The following SNURF variants were observed in gnomAD, a reference collection of about 807,000 sequenced individuals.
SNURF encodes the protein SNURF protein.
In SNURF, 6 loss-of-function variants were observed where a neutral mutation model predicts 11.6. The observed-to-expected ratio is 0.52, with a 90% confidence interval of 0.28 to 1.02. The LOEUF (loss-of-function observed/expected upper bound fraction) is 1.02, where lower values mean the gene tolerates loss of function less well. Ranked by LOEUF, SNURF falls within the 50% of genes least tolerant of loss-of-function variation. The pLI is 0.09. For missense variants in SNURF, 84 were observed against 88.4 expected, an observed-to-expected ratio of 0.95 and a Z score of 0.20; for synonymous variants, 29 against 31.6, an observed-to-expected ratio of 0.92 and a Z score of 0.27.
chr15:24,960,166 G>C (rs2074538938), intron 1 of SNURF, among the ~76,000 whole-genome samples: 1 of 152,162 alleles, frequency 6.6e-6, no homozygotes, highest in African/African-American at 2.4e-5. Context: ...TTTGGAGGCT[G>C]AGTTTGGGTC....
chr15:24,977,644 A>C (rs768552185), intron 6 of SNURF: 3 of 898,042 alleles, frequency 3.3e-6, no homozygotes, highest in Non-Finnish European at 4.8e-6. Context: ...CTCAAAAAAA[A>C]ACATGGGAAT....
chr15:24,976,470 T>C (rs2077072340), intron 5 of SNURF: 2 of 1,174,470 alleles, frequency 1.7e-6, no homozygotes, highest in African/African-American at 1.5e-5. Context: ...CATCATATTA[T>C]GTGAGATGTC....
In SNURF at chr15:24,975,568, G is replaced by A. The variant is rs549751822; in HGVS notation, c.*197+59G>A. The A allele has an allele frequency of 3.3e-5, 47 of 1,436,964 alleles. No homozygotes were observed. In the African/African-American group the frequency reaches 4.9e-4, roughly 15 times the overall value. 89.0% of individuals were successfully genotyped at this position (1,436,964 alleles called of 1,614,324 possible). A position where few individuals can be genotyped will look rare whatever the true frequency, so the allele number is the denominator to read the frequency against. ...CAGAGGCAGTGGGAAGGGAAGGCCAGAGCTGGAGTAAGGGATTTCCGAGGG... is the reference window on the plus strand; with the variant it reads ...CAGAGGCAGTGGGAAGGGAAGGCCAAAGCTGGAGTAAGGGATTTCCGAGGG... On this transcript the variant is annotated intron_variant and NMD_transcript_variant, in intron 4 of 6. Coordinates refer to the SNURF transcript ENST00000580062.
intron 1 of SNURF, 121 bp from the exon 2 acceptor site, chr15:24,961,993 T>C: frequency 1.1e-6 from 1 of 897,638 alleles, no homozygotes. Context: ...TAATTTTACC[T>C]TGTTTTAATT....
At chr15:24,957,531 CT>C (rs1328963924) in intron 1 of SNURF, among the ~76,000 whole-genome samples, 9 of 152,112 alleles carry the variant, frequency 5.9e-5, no homozygotes, top group African/African-American at 2.2e-4. Context: ...AGGATTTTGT[CT>C]TCCTTTGCAG....
chr15:24,956,032 T>C (rs1437883339), intron 1 of SNURF, among the ~76,000 whole-genome samples: 1 of 151,974 alleles, frequency 6.6e-6, no homozygotes, highest in Non-Finnish European at 1.5e-5. Context: ...TGCTTTTTTA[T>C]TAAAACTGCG....
At chr15:24,956,356 G>GGGT (rs1555404328) in intron 1 of SNURF, among the ~76,000 whole-genome samples, 3 of 149,642 alleles carry the variant, frequency 2.0e-5, no homozygotes, top group Non-Finnish European at 3.0e-5. Context: ...CGCTTCAGCG[G>GGGT]GGGGGTGGCC....
chr15:24,977,885 C>G, downstream of SNURF: 2 of 1,590,840 alleles, frequency 1.3e-6, no homozygotes, highest in East Asian at 4.5e-5. Flanking sequence ...GCACTCCGCC[C>G]CCACCCGTCG....
At chr15:24,978,424 A>G, downstream of SNURF, 1 of 1,613,870 alleles carries the variant, frequency 6.2e-7, no homozygotes, top group South Asian at 1.1e-5. Context: ...TCCCCCAGGA[A>G]TGCGTCCACC....
chr15:24,966,564 T>C (rs1412859445), intron 2 of SNURF, among the ~76,000 whole-genome samples: 1 of 152,146 alleles, frequency 6.6e-6, no homozygotes, highest in Non-Finnish European at 1.5e-5. Flanking sequence ...GTTTGATCTT[T>C]TGTGGCCTGG....
At chr15:24,959,791 G>A (rs2153449149) in intron 1 of SNURF, among the ~76,000 whole-genome samples, 1 of 152,286 alleles carries the variant, frequency 6.6e-6, no homozygotes, top group East Asian at 1.9e-4. Context: ...GGACATTTGA[G>A]TTGTTTCCAC....
downstream of SNURF, among the ~76,000 whole-genome samples, chr15:24,973,816 C>T (rs542170036): frequency 2.6e-5 from 4 of 152,278 alleles, no homozygotes; most frequent in Non-Finnish European, 5.9e-5. Flanking sequence ...AAGTCTTAGG[C>T]AGGTTTATAA....
chr15:24,963,412 C>T (rs923302241), intron 2 of SNURF, among the ~76,000 whole-genome samples: 7 of 151,912 alleles, frequency 4.6e-5, no homozygotes, highest in African/African-American at 1.2e-4. Flanking sequence ...GTCAGGAGTT[C>T]GAGACCAGCC....
At chr15:24,972,219 G>A (rs903313832), downstream of SNURF, among the ~76,000 whole-genome samples, 1 of 146,614 alleles carries the variant, frequency 6.8e-6, no homozygotes, top group Non-Finnish European at 1.5e-5. Context: ...TCACTCCATT[G>A]CACTCCAGCC....
At chr15:24,967,535 G>A (rs924854002) in intron 2 of SNURF, among the ~76,000 whole-genome samples, 2 of 151,970 alleles carry the variant, frequency 1.3e-5, no homozygotes, top group East Asian at 1.9e-4. Flanking sequence ...TCAGCTACTC[G>A]GGAGGCTGAC....
At chr15:24,962,508 A>G (rs1160377639) in intron 2 of SNURF, among the ~76,000 whole-genome samples, 1 of 152,224 alleles carries the variant, frequency 6.6e-6, no homozygotes, top group East Asian at 1.9e-4. Context: ...TGCATTATTA[A>G]ATCACTTTGT....
intron 1 of SNURF, among the ~76,000 whole-genome samples, chr15:24,956,765 C>T (rs995851160): frequency 6.6e-6 from 1 of 152,150 alleles, no homozygotes; most frequent in Non-Finnish European, 1.5e-5. Context: ...ACCCCTTACC[C>T]ACGGTGCAGC....
At chr15:24,967,398 G>A (rs2075797026) in intron 2 of SNURF, among the ~76,000 whole-genome samples, 1 of 152,056 alleles carries the variant, frequency 6.6e-6, no homozygotes, top group African/African-American at 2.4e-5. Flanking sequence ...CCAGCACTTT[G>A]GGAGGCCAAA....
chr15:24,977,695 G>T (rs1253333180), intron 6 of SNURF: 2 of 1,300,104 alleles, frequency 1.5e-6, no homozygotes, highest in Middle Eastern at 1.9e-4. Context: ...GTAACTAATT[G>T]GTCATTTTTC....
Sources: gnomAD v4.1 joint callset for allele counts (sites outside exome capture counted in the v4.1 genomes callset) on GRCh38, gnomAD v4.1.1 for gene constraint, MANE v1.5 for transcripts, NCBI Gene and HGNC (gene_info 2026-07-23, HGNC 2026-07-21) for gene names.